The following FOXP1 variants were observed in gnomAD, a reference collection of about 807,000 sequenced individuals.
FOXP1 encodes the protein forkhead box protein P1.
Under a neutral mutation model 98.2 loss-of-function variants are expected in FOXP1, and 15 were observed. That is an observed-to-expected ratio of 0.15 (90% CI 0.10 to 0.24). FOXP1 has a LOEUF of 0.24. Among genes scored for constraint, FOXP1 ranks in the 10% least tolerant of loss-of-function variants. The pLI, the probability that FOXP1 is intolerant of heterozygous loss-of-function variation, is 1.00. For missense variants in FOXP1, 633 were observed against 848.5 expected, an observed-to-expected ratio of 0.75 and a Z score of 3.15; for synonymous variants, 371 against 314.5, an observed-to-expected ratio of 1.18 and a Z score of -1.90.
At chr3:71,126,874 A>C (rs1166864868) in intron 6 of FOXP1, among the ~76,000 whole-genome samples, 97 of 108,352 alleles carry the variant, frequency 9.0e-4, no homozygotes, top group Non-Finnish European at 1.8e-3. Context: ...AAACAAACAA[A>C]AAAAAAAAAC....
rs529030580 is a variant in FOXP1, at chr3:71,108,777, C to A, written c.282+3759G>T. ...AAGACTCCATCTCAAAAAAAAAGAG[C>A]CTACTATTTTTACTCATCTGTAATT... is the stretch of plus-strand genomic sequence containing the variant. On this transcript the variant is annotated intron_variant, in intron 7 of 20. Coordinates refer to ENST00000649528, the MANE Select transcript of FOXP1 (RefSeq NM_001349338.3). 6.4e-4 allele frequency among the ~76,000 whole-genome samples: 98 copies of A among 152,152 alleles called. No homozygotes were observed. The South Asian group carries it at 8.5e-3, about 13-fold the overall frequency.
intron 3 of FOXP1, among the ~76,000 whole-genome samples, chr3:71,488,390 C>G (rs1001300661): frequency 1.3e-5 from 2 of 152,184 alleles, no homozygotes; most frequent in Non-Finnish European, 2.9e-5. Flanking sequence ...GGGCTGGCTA[C>G]TGCTGTGTGG....
At chr3:71,108,208 T>C (rs1195862217) in intron 7 of FOXP1, among the ~76,000 whole-genome samples, 1 of 152,250 alleles carries the variant, frequency 6.6e-6, no homozygotes, top group Admixed American at 6.5e-5. Flanking sequence ...GTACTCTTAC[T>C]TTCTTAGGAG....
chr3:71,044,806 A>G (rs1219517246), intron 10 of FOXP1, among the ~76,000 whole-genome samples: 6 of 152,300 alleles, frequency 3.9e-5, no homozygotes, highest in Non-Finnish European at 8.8e-5. Context: ...ATGGAACTCA[A>G]TTTTACAACC....
At chr3:71,449,124 T>G in intron 3 of FOXP1, among the ~76,000 whole-genome samples, 1 of 152,202 alleles carries the variant, frequency 6.6e-6, no homozygotes, top group Non-Finnish European at 1.5e-5. Flanking sequence ...TTATTAAATT[T>G]TGGTAATAAA....
chr3:71,189,687 T>C (rs2062850910), intron 6 of FOXP1, among the ~76,000 whole-genome samples: 1 of 152,166 alleles, frequency 6.6e-6, no homozygotes, highest in South Asian at 2.1e-4. Flanking sequence ...TTTGCATACC[T>C]CATAATTCAA....
intron 13 of FOXP1, among the ~76,000 whole-genome samples, chr3:70,992,729 T>C (rs1334725449): frequency 2.0e-5 from 3 of 152,190 alleles, no homozygotes; most frequent in Non-Finnish European, 4.4e-5. Flanking sequence ...CGCACACTAA[T>C]ACTAAGTCAT....
intron 4 of FOXP1, among the ~76,000 whole-genome samples, chr3:71,345,198 G>A (rs1560342454): frequency 6.6e-6 from 1 of 151,932 alleles, no homozygotes; most frequent in African/African-American, 2.4e-5. Flanking sequence ...GATCATACTG[G>A]CCAACATGGT....
intron 2 of FOXP1, among the ~76,000 whole-genome samples, chr3:71,562,331 T>C (rs1363573923): frequency 1.3e-5 from 2 of 152,224 alleles, no homozygotes; most frequent in Non-Finnish European, 2.9e-5. Flanking sequence ...CCACCAGCCT[T>C]ACGCAGCAGG....
intron 12 of FOXP1, among the ~76,000 whole-genome samples, chr3:71,005,322 A>AAAC (rs2042634718): frequency 7.0e-6 from 1 of 143,600 alleles, no homozygotes; most frequent in African/African-American, 2.7e-5. Flanking sequence ...TTTAAAAAAA[A>AAAC]AAAAAAAAAA....
At chr3:71,144,800 C>T (rs1210750109) in intron 6 of FOXP1, among the ~76,000 whole-genome samples, 1 of 151,976 alleles carries the variant, frequency 6.6e-6, no homozygotes, top group South Asian at 2.1e-4. Context: ...GCCTCCACCA[C>T]CCCCCAAACT....
chr3:71,010,836 C>A (rs534693280), intron 12 of FOXP1, among the ~76,000 whole-genome samples: 1 of 141,400 alleles, frequency 7.1e-6, no homozygotes, highest in African/African-American at 2.6e-5. Context: ...ACCCCCCCTC[C>A]CCCCCCACCC....
chr3:71,548,745 G>A (rs2045555475), intron 2 of FOXP1, among the ~76,000 whole-genome samples: 2 of 150,522 alleles, frequency 1.3e-5, no homozygotes, highest in Non-Finnish European at 3.0e-5. Context: ...CCAGCCCCCT[G>A]AAACCAGACT....
chr3:71,536,984 G>T (rs999344416), intron 2 of FOXP1, among the ~76,000 whole-genome samples: 26 of 152,174 alleles, frequency 1.7e-4, no homozygotes, highest in African/African-American at 6.3e-4. Context: ...CCTGAGCCAT[G>T]GAGGGAAGGT....
chr3:71,470,380 G>A (rs986157429), intron 3 of FOXP1, among the ~76,000 whole-genome samples: 1 of 152,182 alleles, frequency 6.6e-6, no homozygotes, highest in East Asian at 1.9e-4. Context: ...TACTATTATT[G>A]TTGTTATTCA....
intron 7 of FOXP1, among the ~76,000 whole-genome samples, chr3:71,103,957 C>G (rs572178399): frequency 1.0e-3 from 155 of 151,714 alleles, no homozygotes; most frequent in African/African-American, 3.4e-3. Context: ...ATGTTCCCCC[C>G]CCAAAAAAAG....
intron 3 of FOXP1, among the ~76,000 whole-genome samples, chr3:71,446,193 G>C (rs1287279915): frequency 6.6e-6 from 1 of 152,110 alleles, no homozygotes; most frequent in Non-Finnish European, 1.5e-5. Context: ...CTGCCATCTT[G>C]CTAAGACTGG....
At chr3:71,460,430 G>T (rs1414588670) in intron 3 of FOXP1, among the ~76,000 whole-genome samples, 1 of 148,236 alleles carries the variant, frequency 6.7e-6, no homozygotes, top group Non-Finnish European at 1.5e-5. Context: ...GGTTTTTTTC[G>T]TTTTTTTTTG....
intron 3 of FOXP1, among the ~76,000 whole-genome samples, chr3:71,411,950 C>G (rs1341744470): frequency 6.6e-6 from 1 of 152,174 alleles, no homozygotes; most frequent in Non-Finnish European, 1.5e-5. Flanking sequence ...TTACAAATCC[C>G]AACACTGTGA....
Sources: allele counts gnomAD v4.1 joint callset (sites outside exome capture counted in the v4.1 genomes callset), GRCh38; gene constraint gnomAD v4.1.1; transcripts MANE v1.5; gene names NCBI Gene and HGNC (gene_info 2026-07-23, HGNC 2026-07-21).